The following ATG9B variants were observed in gnomAD, a reference collection of about 807,000 sequenced individuals.
ATG9B encodes the protein autophagy related 9B.
ATG9B carries 92 observed loss-of-function variants against 92.9 expected under a neutral mutation model. The ratio of observed to expected loss-of-function variants is 0.99; its 90% confidence interval spans 0.84 to 1.18. The LOEUF is 1.18. ATG9B is among the 50% of genes most tolerant of loss of function. ATG9B has a pLI of 0.00. For missense variants in ATG9B, 1,344 were observed against 1,235.0 expected, an observed-to-expected ratio of 1.09 and a Z score of -1.32; for synonymous variants, 599 against 551.4, an observed-to-expected ratio of 1.09 and a Z score of -1.21.
Position 151,021,346 on chromosome 7 carries a change from G to C in ATG9B, c.822-17C>G, listed in dbSNP as rs765220248. On this transcript the variant is annotated splice_polypyrimidine_tract_variant and intron_variant, in intron 4 of 13. Coordinates refer to ENST00000639579, the MANE Select transcript of ATG9B (RefSeq NM_001317056.2). ...GAGCGGATCCTGTATGGGGTTGGGC[G>C]GGCAGTGGGGGAGAAAGGTGGGCGC... 2 of 1,568,018 alleles carry C rather than the reference G, an allele frequency of 1.3e-6. No individual in the cohort carries two copies. The highest frequency in any genetic ancestry group is 3.7e-5 in the Admixed American group (2 of 54,254).
Position 151,023,154 on chromosome 7 carries a change from A to G in ATG9B, c.712T>C (p.Tyr238His), listed in dbSNP as rs758620342. ...GGTTGGTTGGCAAAGAGAACATTGTAATCCACGCATCGAAGGAGGAAGGTT... is the reference window on the plus strand; with the variant it reads ...GGTTGGTTGGCAAAGAGAACATTGTGATCCACGCATCGAAGGAGGAAGGTT... ...FTTFLLRCVD[Y>H]NVLFANQPSN... Residue 238 changes from tyrosine to histidine, a missense_variant, in exon 4 of 14, where the codon TAC becomes CAC. By Grantham distance (83) the Tyr-to-His change is moderately conservative. Transcript: ENST00000639579. 3 of 1,614,092 alleles carry G rather than the reference A, an allele frequency of 1.9e-6. No homozygotes were observed. In the East Asian group the frequency reaches 6.7e-5, roughly 36 times the overall value.
chr7:151,017,383 G>T, intron 8 of ATG9B, 111 bp from the exon 9 acceptor site: 1 of 1,087,984 alleles, frequency 9.2e-7, no homozygotes, highest in Non-Finnish European at 1.3e-6. Context: ...CCACAATGGG[G>T]ACTTGTTCAC....
chr7:151,014,157 C>T, downstream of ATG9B: 2 of 1,605,414 alleles, frequency 1.2e-6, no homozygotes, highest in Non-Finnish European at 1.7e-6. Flanking sequence ...GCTCAGACAC[C>T]AACAGCCCCT....
rs1002897799 is a variant in ATG9B, at chr7:151,018,329, A to T, written c.1837T>A (p.Tyr613Asn). ...EPGPGGRDRA[Y>N]RQMAQLLQYR... Reference sequence around the variant, plus strand: ...TGCAGCAGCTGCGCCATCTGCCGGTAGGCGCGGTCCCTGCCGCCGGGGCCG... The same window carrying T: ...TGCAGCAGCTGCGCCATCTGCCGGTTGGCGCGGTCCCTGCCGCCGGGGCCG... The change falls in exon 7 of 14, where the codon TAC becomes AAC. Residue 613 changes from tyrosine (Y) to asparagine (N), a missense_variant. By Grantham distance (143) the Tyr-to-Asn change is moderately radical. Transcript: ENST00000639579. This position sits in a 1 kb window ranked among gnomAD's most constrained non-coding sequence, Gnocchi z 4.7. 1.9e-6 allele frequency: 3 copies of T among 1,589,834 alleles called. No homozygotes were observed. Among genetic ancestry groups the T allele is most frequent in the Non-Finnish European group, 2.6e-6 (3 of 1,171,666 alleles).
At chr7:151,019,728 A>C in intron 5 of ATG9B, 1 of 231,712 alleles carries the variant, frequency 4.3e-6, no homozygotes, top group Non-Finnish European at 8.3e-6. Flanking sequence ...GTACACACAA[A>C]ACAGACTGGC....
In ATG9B at chr7:151,016,173, C is replaced by T; in HGVS notation, c.2583G>A (p.Arg861=). ...WGEAAASILS[R]PCSSPSQPPS... ...GTGGCTGTGAGGGGCTGGAGCAGGG[C>T]CTGGACAGGATGGAGGCTGCAGCCT... Residue 861 remains arginine, a synonymous_variant, in exon 12 of 14, where the codon AGG becomes AGA. Coordinates refer to ENST00000639579, the MANE Select transcript of ATG9B (RefSeq NM_001317056.2). 1.3e-6 allele frequency: 2 copies of T among 1,536,798 alleles called. No homozygotes were observed. Among genetic ancestry groups the T allele is most frequent in the Non-Finnish European group, 1.8e-6 (2 of 1,138,848 alleles).
rs1377904111 is a variant in ATG9B, at chr7:151,018,261, T to C, written c.1872+33A>G. On this transcript the variant is annotated intron_variant, in intron 7 of 13. Transcript: ENST00000639579. This position sits in a 1 kb window ranked among gnomAD's most constrained non-coding sequence, Gnocchi z 4.7. The stretch of plus-strand genomic sequence containing the variant: ...CTCCGCGCAGACAGACCCCACAACT[T>C]CCTCCTCAGCCCGCCGTCGCGCCCA... 1 of 1,514,288 alleles carries C rather than the reference T, an allele frequency of 6.6e-7. No homozygotes were observed. 93.8% of individuals were successfully genotyped at this position (1,514,288 alleles called of 1,614,324 possible).
At chr7:151,013,028 C>G, downstream of ATG9B, 2 of 587,402 alleles carry the variant, frequency 3.4e-6, no homozygotes, top group South Asian at 2.3e-5. Flanking sequence ...ACCTCACCCG[C>G]GCTTCCCTTC....
downstream of ATG9B, chr7:151,013,645 C>T (rs1360437700): frequency 2.2e-6 from 3 of 1,343,832 alleles, no homozygotes; most frequent in Non-Finnish European, 3.0e-6. Context: ...ACTTTCACGT[C>T]CAGGGCCAGC....
Position 151,018,592 on chromosome 7 carries a change from C to T in ATG9B, c.1718+28G>A, listed in dbSNP as rs756987362. ...CCCAGATCAGAGAAACCAACACACA[C>T]CACCACCCCGGGCATCTGCCGTCGC... On this transcript the variant is annotated intron_variant, in intron 6 of 13. Coordinates refer to ENST00000639579, the MANE Select transcript of ATG9B (RefSeq NM_001317056.2). This position sits in a 1 kb window ranked among gnomAD's most constrained non-coding sequence, Gnocchi z 4.7. The T allele has an allele frequency of 5.7e-6, 9 of 1,587,332 alleles. No individual in the cohort carries two copies. Among genetic ancestry groups the T allele is most frequent in the Non-Finnish European group, 7.7e-6 (9 of 1,172,372 alleles).
At chr7:151,019,660 G>C (rs1052128124) in intron 5 of ATG9B, among the ~76,000 whole-genome samples, 1 of 152,164 alleles carries the variant, frequency 6.6e-6, no homozygotes, top group African/African-American at 2.4e-5. Flanking sequence ...TCCTGGGGAC[G>C]CCTCCAGGTG....
chr7:151,023,311 C>T, intron 3 of ATG9B, 105 bp from the exon 4 acceptor site: 2 of 1,598,176 alleles, frequency 1.3e-6, no homozygotes, highest in Non-Finnish European at 1.7e-6. Flanking sequence ...CTCCCTGACC[C>T]TGCCCCTGCT....
intron 8 of ATG9B, 26 bp downstream of exon 8, chr7:151,017,845 C>G: frequency 1.9e-6 from 3 of 1,569,040 alleles, no homozygotes; most frequent in Non-Finnish European, 2.6e-6. Context: ...CAGCCCAAAC[C>G]CCCAGGGCCA....
downstream of ATG9B, chr7:151,014,394 TC>T (rs1032005929): frequency 2.1e-5 from 11 of 518,376 alleles, no homozygotes; most frequent in African/African-American, 2.1e-4. Context: ...GGAAGGCCCC[TC>T]CCAGCAGCGG....
At chr7:151,020,425 C>G (rs1043396857) in intron 5 of ATG9B, 2 of 152,728 alleles carry the variant, frequency 1.3e-5, no homozygotes, top group Admixed American at 6.5e-5. Context: ...CAGAGCCAAT[C>G]CGAGGTCCAG....
At chr7:151,017,792 C>A in intron 8 of ATG9B, 79 bp downstream of exon 8, 2 of 1,440,984 alleles carry the variant, frequency 1.4e-6, no homozygotes, top group Non-Finnish European at 9.2e-7. Context: ...GGAGCCAGGG[C>A]TGGAACTCAG....
Position 151,016,976 on chromosome 7 carries a change from A to G in ATG9B, c.2289+60T>C, listed in dbSNP as rs1164490496. 5 of 1,523,982 alleles carry G rather than the reference A, an allele frequency of 3.3e-6. No individual in the cohort carries two copies. The East Asian group carries it at 1.2e-4, about 37-fold the overall frequency. 94.4% of individuals were successfully genotyped at this position (1,523,982 alleles called of 1,614,324 possible). A position where few individuals can be genotyped will look rare whatever the true frequency, so the allele number is the denominator to read the frequency against. ...CTACCTAAGGTGAGCCTAGAGGGGA[A>G]GGGTTTGGAGAGGAGTTGTGGGGGT... On this transcript the variant is annotated intron_variant, in intron 9 of 13. Coordinates refer to ENST00000639579, the MANE Select transcript of ATG9B (RefSeq NM_001317056.2).
intron 4 of ATG9B, among the ~76,000 whole-genome samples, chr7:151,021,926 G>A (rs1372316263): frequency 6.6e-6 from 1 of 151,560 alleles, no homozygotes; most frequent in Non-Finnish European, 1.5e-5. Context: ...TGAGATTACA[G>A]GTGTGAGCCA....
At position 151,016,248 on chromosome 7, in the gene ATG9B, G is replaced by A; in HGVS notation, c.2521-13C>T. 1 of 1,485,378 alleles carries A rather than the reference G, an allele frequency of 6.7e-7. No homozygotes were observed. The allele number at this position is 1,485,378 out of a possible 1,614,324, so 92.0% of individuals were successfully genotyped here. A position where few individuals can be genotyped will look rare whatever the true frequency, so the allele number is the denominator to read the frequency against. ...GCTGCTGGTGAAGCTGCATGGAAAG[G>A]AGGAGGAATGAGGGCTGCACCCCAA... On this transcript the variant is annotated splice_polypyrimidine_tract_variant and intron_variant, in intron 11 of 13. Transcript: ENST00000639579.
Sources: gnomAD v4.1 joint callset for allele counts (sites outside exome capture counted in the v4.1 genomes callset) on GRCh38, gnomAD v4.1.1 for gene constraint, Gnocchi (gnomAD v3.1) non-coding constraint, MANE v1.5 for transcripts, NCBI Gene and HGNC (gene_info 2026-07-23, HGNC 2026-07-21) for gene names.